CACNA1C: variants seen among roughly 807,000 people sequenced by gnomAD.
CACNA1C encodes the protein voltage-dependent L-type calcium channel subunit alpha-1C.
A neutral mutation model predicts 229.0 loss-of-function variants in CACNA1C; 30 were observed. The observed-to-expected ratio is 0.13, with a 90% confidence interval of 0.10 to 0.18. CACNA1C has a LOEUF of 0.18. Ranked by LOEUF, CACNA1C falls within the 10% of genes least tolerant of loss-of-function variation. The pLI, the probability that CACNA1C is intolerant of heterozygous loss-of-function variation, is 1.00. For missense variants in CACNA1C, 1,658 were observed against 2,845.0 expected (o/e 0.58, Z 9.49); for synonymous variants, 1,114 against 1,132.5 (o/e 0.98, Z 0.33).
intron 6 of CACNA1C, among the ~76,000 whole-genome samples, chr12:2,489,098 T>G (rs1383226240): frequency 1.3e-5 from 2 of 151,724 alleles, no homozygotes; most frequent in East Asian, 3.8e-4. Context: ...GTGGTTTAAT[T>G]TTTTTCTTTC....
chr12:2,142,391 C>A (rs2094322762), intron 3 of CACNA1C, among the ~76,000 whole-genome samples: 1 of 151,166 alleles, frequency 6.6e-6, no homozygotes, highest in Non-Finnish European at 1.5e-5. Context: ...GGCTGACAGT[C>A]TTATCAAAGT....
At chr12:2,391,757 G>A (rs1364197407) in intron 3 of CACNA1C, among the ~76,000 whole-genome samples, 1 of 152,200 alleles carries the variant, frequency 6.6e-6, no homozygotes, top group Non-Finnish European at 1.5e-5. Flanking sequence ...AGTGACTTCT[G>A]AAAGAACACC....
At position 2,679,125 on chromosome 12, in the gene CACNA1C, G is replaced by C. The variant is rs2096982617; in HGVS notation, c.5092-319G>C. Among the ~76,000 whole-genome samples, 1 of 152,152 alleles carries C rather than the reference G, an allele frequency of 6.6e-6. No individual in the cohort carries two copies. The highest frequency in any genetic ancestry group is 2.1e-4 in the South Asian group (1 of 4,830). ...GGAAACTCACTCCCAGCCTTCAGGG[G>C]CTTCACTGGAAACCTCCAGGGCAGC... On this transcript the variant is annotated intron_variant, in intron 41 of 46. Transcript: ENST00000399655. The surrounding 1 kb of genome is among the most constrained non-coding windows in gnomAD (Gnocchi z 5.5).
In CACNA1C at chr12:2,507,098, C is replaced by A. The variant is rs561890538; in HGVS notation, c.1217+2153C>A. 2.0e-5 allele frequency among the ~76,000 whole-genome samples: 3 copies of A among 152,318 alleles called. No homozygotes were observed. The South Asian group carries it at 6.2e-4, about 32-fold the overall frequency. On this transcript the variant is annotated intron_variant, in intron 8 of 46. Coordinates refer to ENST00000399655, the MANE Select transcript of CACNA1C (RefSeq NM_000719.7). ...TTCAAAAATGTTGGTTGACTCAGAA[C>A]AAGAACATTAAGGCTATCTGACCTC...
At chr12:2,688,866 C>T (rs1374235894) in intron 46 of CACNA1C, 87 bp downstream of exon 46, 53 of 1,112,222 alleles carry the variant, frequency 4.8e-5, no homozygotes, top group Non-Finnish European at 6.6e-5. Flanking sequence ...GCACCTGGCT[C>T]TTGCCAAATT....
In CACNA1C at chr12:2,138,559, A is replaced by G. The variant is rs114461199; in HGVS notation, c.477+18129A>G. ...CCCACTTCTGCTAGACTGACCAGAG[A>G]GAGCAGGTAAGAGAGTGACCAGCAG... On this transcript the variant is annotated intron_variant, in intron 3 of 46. Coordinates refer to ENST00000399655, the MANE Select transcript of CACNA1C (RefSeq NM_000719.7). 6.2e-3 allele frequency among the ~76,000 whole-genome samples: 932 copies of G among 151,210 alleles called. 13 individuals carry two copies. The highest frequency in any genetic ancestry group is 0.021 in the African/African-American group (864 of 41,450).
At chr12:2,164,142 T>C (rs7972854) in intron 3 of CACNA1C, among the ~76,000 whole-genome samples, 3,910 of 152,280 alleles carry the variant, frequency 0.026, 168 homozygotes, top group African/African-American at 0.088. Flanking sequence ...GTGACCTCAT[T>C]GTTTGTCATC....
chr12:2,564,380 C>T (rs1238814238), intron 11 of CACNA1C, among the ~76,000 whole-genome samples: 1 of 152,156 alleles, frequency 6.6e-6, no homozygotes, highest in African/African-American at 2.4e-5. Flanking sequence ...GAATGTCTGT[C>T]TAGACGAGAG....
chr12:2,440,190 C>T (rs2099207012), intron 3 of CACNA1C, among the ~76,000 whole-genome samples: 1 of 152,188 alleles, frequency 6.6e-6, no homozygotes, highest in African/African-American at 2.4e-5. Flanking sequence ...GCATTAATCA[C>T]ACCCACAATG....
At chr12:1,978,919 G>A (rs1362747575) in intron 1 of CACNA1C, among the ~76,000 whole-genome samples, 1 of 152,072 alleles carries the variant, frequency 6.6e-6, no homozygotes, top group Non-Finnish European at 1.5e-5. Flanking sequence ...ACCAAAATTT[G>A]TTCATCTATG....
At chr12:2,099,866 G>A (rs1180828004) in intron 1 of CACNA1C, among the ~76,000 whole-genome samples, 2 of 152,104 alleles carry the variant, frequency 1.3e-5, no homozygotes, top group African/African-American at 4.8e-5. Flanking sequence ...TCCTGAGAGT[G>A]TGATGTTCAT....
intron 3 of CACNA1C, among the ~76,000 whole-genome samples, chr12:2,415,563 CAAG>C (rs1436918327): frequency 1.3e-5 from 2 of 152,160 alleles, no homozygotes; most frequent in South Asian, 2.1e-4. Context: ...ACCACCGTCC[CAAG>C]AAGAAGAAAT....
At chr12:2,219,634 G>A (rs1194954411) in intron 3 of CACNA1C, among the ~76,000 whole-genome samples, 4 of 152,154 alleles carry the variant, frequency 2.6e-5, no homozygotes, top group African/African-American at 7.2e-5. Context: ...GCTCCAGCCC[G>A]TAACCTGTGA....
At chr12:2,499,901 C>T (rs1255704419) in intron 7 of CACNA1C, among the ~76,000 whole-genome samples, 1 of 152,176 alleles carries the variant, frequency 6.6e-6, no homozygotes, top group East Asian at 1.9e-4. Context: ...CATCGCCCTA[C>T]TTCAGAGCCA....
intron 29 of CACNA1C, among the ~76,000 whole-genome samples, chr12:2,618,502 G>A (rs1013511256): frequency 2.6e-5 from 4 of 152,362 alleles, no homozygotes; most frequent in East Asian, 1.9e-4. Flanking sequence ...CAAAGGCCAC[G>A]AGGCCCCAAA....
intron 1 of CACNA1C, among the ~76,000 whole-genome samples, chr12:1,980,214 C>T (rs2035708913): frequency 6.6e-6 from 1 of 152,132 alleles, no homozygotes; most frequent in Non-Finnish European, 1.5e-5. Context: ...GGAAATAATT[C>T]AAGTATCTAT....
At chr12:2,431,842 T>C (rs1860097) in intron 3 of CACNA1C, among the ~76,000 whole-genome samples, 115,751 of 152,066 alleles carry the variant, frequency 0.76, 44,324 homozygotes, top group East Asian at 0.85. Flanking sequence ...GTCTTCAATG[T>C]AGGGACCTCC....
chr12:2,688,406 T>C, intron 45 of CACNA1C, 41 bp from the exon 46 acceptor site: 1 of 1,590,268 alleles, frequency 6.3e-7, no homozygotes. Flanking sequence ...TTGTTTGGGG[T>C]CGGCCACTCC....
intron 3 of CACNA1C, among the ~76,000 whole-genome samples, chr12:2,343,632 G>T (rs2096925867): frequency 6.6e-6 from 1 of 152,214 alleles, no homozygotes; most frequent in African/African-American, 2.4e-5. Flanking sequence ...TGGGTGGGCA[G>T]TGTCTGATCT....
Sources: allele counts gnomAD v4.1 joint callset (sites outside exome capture counted in the v4.1 genomes callset), GRCh38; gene constraint gnomAD v4.1.1; non-coding constraint Gnocchi (gnomAD v3.1); transcripts MANE v1.5; gene names NCBI Gene and HGNC (gene_info 2026-07-23, HGNC 2026-07-21).